Variants in DMXL2 observed in about 807,000 individuals in gnomAD.
DMXL2 encodes the protein Dmx like 2.
Under a neutral mutation model 331.1 loss-of-function variants are expected in DMXL2, and 103 were observed. The observed-to-expected ratio is 0.31, with a 90% CI of 0.27 to 0.37. The LOEUF (loss-of-function observed/expected upper bound fraction) is 0.37, where lower values mean the gene tolerates loss of function less well. Ranked by LOEUF, DMXL2 falls within the 10% of genes least tolerant of loss-of-function variation. The pLI is 1.00. For synonymous variants in DMXL2, 1,281 were observed against 1,252.1 expected, an observed-to-expected ratio of 1.02 and a Z score of -0.49; for missense variants, 3,171 against 3,642.9, an observed-to-expected ratio of 0.87 and a Z score of 3.33.
chr15:51,469,268 A>C (rs1328831607), intron 29 of DMXL2, among the ~76,000 whole-genome samples: 1 of 152,090 alleles, frequency 6.6e-6, no homozygotes, highest in Admixed American at 6.5e-5. Flanking sequence ...CTTCCAAACA[A>C]AGTAGTGGGG....
intron 1 of DMXL2, among the ~76,000 whole-genome samples, chr15:51,597,634 C>A (rs1401955811): frequency 1.3e-5 from 2 of 152,128 alleles, no homozygotes; most frequent in South Asian, 2.1e-4. Context: ...TACGTGCATG[C>A]ATTTCTCTAG....
chr15:51,515,621 G>T (rs1473280586), intron 14 of DMXL2, among the ~76,000 whole-genome samples: 1 of 151,952 alleles, frequency 6.6e-6, no homozygotes, highest in Non-Finnish European at 1.5e-5. Context: ...CAACACATTG[G>T]GAACAAACCT....
At chr15:51,553,159 T>A (rs986646907) in intron 6 of DMXL2, among the ~76,000 whole-genome samples, 2 of 152,194 alleles carry the variant, frequency 1.3e-5, no homozygotes, top group Non-Finnish European at 2.9e-5. Flanking sequence ...TACTTGATAT[T>A]TTTTTCTGTC....
intron 1 of DMXL2, among the ~76,000 whole-genome samples, chr15:51,610,102 A>G (rs560647425): frequency 6.6e-6 from 1 of 152,342 alleles, no homozygotes; most frequent in African/African-American, 2.4e-5. Flanking sequence ...AAGTAAAAAG[A>G]TAAGACTGTA....
In DMXL2 at chr15:51,514,481, C is replaced by G; in HGVS notation, c.2605G>C (p.Glu869Gln). ...AAAAATATTTCTGTTTCCTTTTTCT[C>G]CATATCTTCCTTATGTGGTTTATAT... Reference protein sequence around the residue: ...IGYKPHKEDMEKKETEIFFQP... With the variant: ...IGYKPHKEDMQKKETEIFFQP... The change falls in exon 15 of 44, where the codon GAG (glutamate) becomes CAG (glutamine). Residue 869 changes from glutamate (E) to glutamine (Q), a missense_variant. This residue lies in a region of DMXL2 where 1,674 missense variants were observed against 1,780.2 expected (regional missense o/e 0.94). Coordinates refer to ENST00000560891, the MANE Select transcript of DMXL2 (RefSeq NM_001378457.1). The G allele has an allele frequency of 6.3e-7, 1 of 1,588,046 alleles. No individual in the cohort carries two copies. Among genetic ancestry groups the G allele is most frequent in the East Asian group, 2.3e-5 (1 of 43,574 alleles).
At chr15:51,607,964 C>T (rs7183435) in intron 1 of DMXL2, among the ~76,000 whole-genome samples, 72,705 of 151,878 alleles carry the variant, frequency 0.48, 17,778 homozygotes, top group Non-Finnish European at 0.52. Flanking sequence ...GGTGGGCAGA[C>T]TGCTTGAGGT....
intron 1 of DMXL2, among the ~76,000 whole-genome samples, chr15:51,612,688 G>A (rs557103822): frequency 3.3e-5 from 5 of 152,284 alleles, no homozygotes; most frequent in South Asian, 4.2e-4. Flanking sequence ...TCTCAGGACC[G>A]GGTTGAAATT....
intron 18 of DMXL2, among the ~76,000 whole-genome samples, chr15:51,497,360 G>A (rs868066148): frequency 2.0e-5 from 3 of 152,314 alleles, no homozygotes; most frequent in Admixed American, 1.3e-4. Flanking sequence ...CAGGCTTTGA[G>A]TCAACAGTTT....
chr15:51,510,619 A>C (rs912762223), intron 15 of DMXL2, among the ~76,000 whole-genome samples: 1 of 152,254 alleles, frequency 6.6e-6, no homozygotes, highest in African/African-American at 2.4e-5. Flanking sequence ...CATACTGCCC[A>C]AAGTAATTTA....
At chr15:51,562,337 A>C (rs1472842712) in intron 6 of DMXL2, among the ~76,000 whole-genome samples, 2 of 152,326 alleles carry the variant, frequency 1.3e-5, no homozygotes. Flanking sequence ...AATCTTTCAG[A>C]CACGTAAGGC....
chr15:51,536,544 A>G lies in DMXL2; in HGVS notation c.1936T>C (p.Tyr646His). 1 of 1,613,974 alleles carries G rather than the reference A, an allele frequency of 6.2e-7. No homozygotes were observed. Among genetic ancestry groups the G allele is most frequent in the Non-Finnish European group, 8.5e-7 (1 of 1,179,938 alleles). Residue 646 changes from tyrosine to histidine, a missense_variant, in exon 12 of 44, where the codon TAT becomes CAT. Coordinates refer to ENST00000560891, the MANE Select transcript of DMXL2 (RefSeq NM_001378457.1). ...TTGAGGTGAAATCGATGACCGCAAT[A>G]TCTAAATTTGTGAGATACAGTTAGA... The part of the protein sequence containing the change: ...TVLTVSHKFR[Y>H]CGHRFHLNDL...
rs2038893850 is a variant in DMXL2, at chr15:51,448,939, G to A, written c.*45C>T. 1.3e-6 allele frequency: 2 copies of A among 1,569,540 alleles called. No homozygotes were observed. Among genetic ancestry groups the A allele is most frequent in the African/African-American group, 2.7e-5 (2 of 73,760 alleles). On this transcript the variant is annotated 3_prime_UTR_variant, in exon 44 of 44. Transcript: ENST00000560891. ...GCAGAATTGCCTAGTGATGACTGTA[G>A]TGTGCCTTTTAACTGAAATGTATAT...
At chr15:51,559,895 T>C (rs896415638) in intron 6 of DMXL2, among the ~76,000 whole-genome samples, 1 of 152,204 alleles carries the variant, frequency 6.6e-6, no homozygotes, top group Non-Finnish European at 1.5e-5. Context: ...TATTATCTAC[T>C]GAAATTAAAG....
At chr15:51,567,575 G>A (rs2050376034) in intron 3 of DMXL2, 1 of 152,190 alleles carries the variant, frequency 6.6e-6, no homozygotes, top group Admixed American at 6.6e-5. Flanking sequence ...TATCCTTGGA[G>A]ATAGCTGGAG....
chr15:51,532,428 C>T (rs1351620904), intron 13 of DMXL2, among the ~76,000 whole-genome samples: 1 of 151,550 alleles, frequency 6.6e-6, no homozygotes, highest in African/African-American at 2.4e-5. Flanking sequence ...TTAATGTGTA[C>T]AAAAAAATAG....
chr15:51,578,348 T>A (rs777590854), intron 1 of DMXL2, among the ~76,000 whole-genome samples: 3 of 152,194 alleles, frequency 2.0e-5, no homozygotes, highest in African/African-American at 7.2e-5. Flanking sequence ...AGATGTGCCA[T>A]CCCTAGCAAC....
intron 3 of DMXL2, among the ~76,000 whole-genome samples, chr15:51,566,853 G>A (rs183964160): frequency 6.6e-6 from 1 of 152,014 alleles, no homozygotes; most frequent in Admixed American, 6.6e-5. Flanking sequence ...TGTTTTAAAG[G>A]GCTTAATTCT....
chr15:51,556,161 G>A (rs529294588), intron 6 of DMXL2, among the ~76,000 whole-genome samples: 2 of 151,766 alleles, frequency 1.3e-5, no homozygotes, highest in Admixed American at 6.6e-5. Flanking sequence ...GGCTAACACG[G>A]TGAAACCCCG....
intron 15 of DMXL2, 114 bp downstream of exon 15, chr15:51,514,328 G>T (rs997712628): frequency 3.1e-6 from 2 of 637,272 alleles, no homozygotes; most frequent in South Asian, 2.3e-5. Flanking sequence ...ACTAACTGGT[G>T]AATCTGTCAA....
Sources: gnomAD v4.1 joint callset for allele counts (sites outside exome capture counted in the v4.1 genomes callset) on GRCh38, gnomAD v4.1.1 for gene constraint, gnomAD v4.1.1 regional missense constraint, MANE v1.5 for transcripts, NCBI Gene and HGNC (gene_info 2026-07-23, HGNC 2026-07-21) for gene names.